DIAPH3: variants seen among roughly 807,000 people sequenced by gnomAD.
The protein encoded by DIAPH3 is diaphanous related formin 3, also known as protein diaphanous homolog 3.
A neutral mutation model predicts 144.3 loss-of-function variants in DIAPH3; 117 were observed. That is an observed-to-expected ratio of 0.81 (90% confidence interval 0.70 to 0.95). The LOEUF is 0.95. Ranked by LOEUF, DIAPH3 falls within the 40% of genes least tolerant of loss-of-function variation. DIAPH3 has a pLI of 0.00. For missense variants in DIAPH3, 1,421 were observed against 1,412.7 expected, an observed-to-expected ratio of 1.01 and a Z score of -0.09; for synonymous variants, 519 against 488.9, an observed-to-expected ratio of 1.06 and a Z score of -0.81.
intron 22 of DIAPH3, among the ~76,000 whole-genome samples, chr13:59,857,489 G>GT (rs2043323870): frequency 6.6e-6 from 1 of 152,124 alleles, no homozygotes; most frequent in Non-Finnish European, 1.5e-5. Context: ...AAATATATCA[G>GT]TGAATGCTCT....
rs760956049 is a variant in DIAPH3, at chr13:60,163,575, G to A, written c.180+12C>T. On this transcript the variant is annotated intron_variant, in intron 1 of 27. Coordinates refer to ENST00000400324, the MANE Select transcript of DIAPH3 (RefSeq NM_001042517.2). ...CGGGAGCGGCCCCACCCTAGCTCCA[G>A]GCGATACTCACAAACTTGGGGCGCT... 2.5e-6 allele frequency: 4 copies of A among 1,578,230 alleles called. No individual in the cohort carries two copies. Among genetic ancestry groups the A allele is most frequent in the East Asian group, 2.3e-5 (1 of 44,240 alleles).
At chr13:60,021,691 A>G (rs962039923) in intron 5 of DIAPH3, among the ~76,000 whole-genome samples, 1 of 151,470 alleles carries the variant, frequency 6.6e-6, no homozygotes, top group African/African-American at 2.4e-5. Context: ...AAAAGAGCAT[A>G]AAAGGGACTC....
At chr13:59,924,950 T>C (rs2140303797) in intron 17 of DIAPH3, 80 bp from the exon 18 acceptor site, 2 of 1,509,366 alleles carry the variant, frequency 1.3e-6, no homozygotes, top group East Asian at 2.5e-5. Flanking sequence ...TTTTTATCAT[T>C]AAATAAGCTA....
At chr13:60,155,290 T>G (rs1398056282) in intron 1 of DIAPH3, among the ~76,000 whole-genome samples, 1 of 152,204 alleles carries the variant, frequency 6.6e-6, no homozygotes, top group African/African-American at 2.4e-5. Flanking sequence ...CTGTTCTAAA[T>G]CTGAGACAAT....
intron 3 of DIAPH3, among the ~76,000 whole-genome samples, chr13:60,105,125 A>AAAAAAAAAAAAC (rs2058383698): frequency 6.7e-5 from 10 of 148,532 alleles, no homozygotes; most frequent in African/African-American, 2.5e-4. Context: ...AAAAAAAAAA[A>AAAAAAAAAAAAC]CTGCCAGTGA....
At chr13:59,877,193 CT>C (rs764754117) in intron 21 of DIAPH3, among the ~76,000 whole-genome samples, 10 of 152,096 alleles carry the variant, frequency 6.6e-5, no homozygotes, top group Admixed American at 6.6e-5. Flanking sequence ...CAAAAAACCC[CT>C]GATCTCATTC....
intron 25 of DIAPH3, among the ~76,000 whole-genome samples, chr13:59,800,935 ATGAG>A (rs2039871554): frequency 1.3e-5 from 2 of 150,578 alleles, no homozygotes; most frequent in African/African-American, 4.8e-5. Context: ...TCAAGAAATA[ATGAG>A]TGACTACTAT....
chr13:59,710,335 C>CT lies in DIAPH3; in HGVS notation c.3320-43490dup, dbSNP rs1243934107. Reference sequence around the variant, plus strand: ...AATACCATGGTATATCTGCAAAGATCTTAAAAAAAAACCCCAACAACTTCA... The same window carrying CT: ...AATACCATGGTATATCTGCAAAGATCTTTAAAAAAAAACCCCAACAACTTCA... On this transcript the variant is annotated intron_variant, in intron 27 of 27. Coordinates refer to ENST00000400324, the MANE Select transcript of DIAPH3 (RefSeq NM_001042517.2). 8.1e-5 allele frequency among the ~76,000 whole-genome samples: 12 copies of CT among 148,362 alleles called. No homozygotes were observed. The South Asian group carries it at 1.3e-3, about 16-fold the overall frequency.
chr13:59,692,702 T>A (rs2033598508), intron 27 of DIAPH3, among the ~76,000 whole-genome samples: 1 of 152,084 alleles, frequency 6.6e-6, no homozygotes, highest in Admixed American at 6.6e-5. Flanking sequence ...ACCACCTCCA[T>A]CAACCATAAC....
chr13:59,820,590 C>T (rs1450984815), intron 24 of DIAPH3, among the ~76,000 whole-genome samples: 1 of 151,624 alleles, frequency 6.6e-6, no homozygotes, highest in Non-Finnish European at 1.5e-5. Context: ...TTATATTTTT[C>T]CCTAAAAGTG....
chr13:60,096,921 T>C (rs958535466), intron 3 of DIAPH3, among the ~76,000 whole-genome samples: 6 of 152,190 alleles, frequency 3.9e-5, no homozygotes, highest in African/African-American at 2.4e-5. Context: ...AGCTTGCAGA[T>C]AGCATACTGT....
intron 21 of DIAPH3, among the ~76,000 whole-genome samples, chr13:59,862,227 G>A (rs534495805): frequency 6.6e-6 from 1 of 152,206 alleles, no homozygotes; most frequent in Admixed American, 6.5e-5. Flanking sequence ...TATTAGGGAA[G>A]GCATGTAGGG....
intron 27 of DIAPH3, among the ~76,000 whole-genome samples, chr13:59,732,093 G>A (rs905337811): frequency 1.3e-5 from 2 of 151,890 alleles, no homozygotes; most frequent in African/African-American, 4.8e-5. Flanking sequence ...GACCCTCATT[G>A]TTCCATAAGA....
chr13:59,891,544 T>C (rs2140125551), intron 20 of DIAPH3, among the ~76,000 whole-genome samples: 1 of 151,844 alleles, frequency 6.6e-6, no homozygotes, highest in African/African-American at 2.4e-5. Context: ...AGATTTTAAA[T>C]CCCATATAAG....
At chr13:60,002,422 T>A (rs1421500707) in intron 9 of DIAPH3, among the ~76,000 whole-genome samples, 1 of 152,230 alleles carries the variant, frequency 6.6e-6, no homozygotes, top group Admixed American at 6.5e-5. Context: ...CCACTGCAAC[T>A]GGCAGTATTC....
chr13:59,735,597 A>T (rs1322152224), intron 27 of DIAPH3, among the ~76,000 whole-genome samples: 1 of 152,140 alleles, frequency 6.6e-6, no homozygotes, highest in Admixed American at 6.5e-5. Context: ...AACATATATC[A>T]GGTGTCTATT....
At chr13:59,911,320 A>G (rs868234147) in intron 20 of DIAPH3, among the ~76,000 whole-genome samples, 1 of 152,202 alleles carries the variant, frequency 6.6e-6, no homozygotes, top group East Asian at 1.9e-4. Context: ...GAAAGATACT[A>G]TATTTATAAT....
chr13:60,095,068 C>G (rs1038875126), intron 3 of DIAPH3, among the ~76,000 whole-genome samples: 1 of 152,002 alleles, frequency 6.6e-6, no homozygotes, highest in Admixed American at 6.5e-5. Context: ...GTGATGCTAC[C>G]AGCATTTACA....
intron 27 of DIAPH3, among the ~76,000 whole-genome samples, chr13:59,764,672 C>A (rs998515931): frequency 6.7e-6 from 1 of 150,308 alleles, no homozygotes; most frequent in Admixed American, 6.7e-5. Flanking sequence ...ATGGGGAGAA[C>A]ACCATGTGAT....
Sources: allele counts gnomAD v4.1 joint callset (sites outside exome capture counted in the v4.1 genomes callset), GRCh38; gene constraint gnomAD v4.1.1; transcripts MANE v1.5; gene names NCBI Gene and HGNC (gene_info 2026-07-23, HGNC 2026-07-21).